The following SYNPO variants were observed in gnomAD, a reference collection of about 807,000 sequenced individuals.
The protein encoded by SYNPO is synaptopodin.
A neutral mutation model predicts 49.5 loss-of-function variants in SYNPO; 19 were observed. That is an observed-to-expected ratio of 0.38 (90% CI 0.27 to 0.56). The LOEUF (loss-of-function observed/expected upper bound fraction) is 0.56. SYNPO is among the 20% of genes least tolerant of loss of function. SYNPO has a pLI of 0.68. For synonymous variants in SYNPO, 536 were observed against 548.0 expected (o/e 0.98, Z 0.31); for missense variants, 1,131 against 1,248.3 (o/e 0.91, Z 1.42).
chr5:150,656,925 C>T lies in SYNPO; in HGVS notation c.2550C>T (p.Leu850=). The change falls in exon 3 of 3, where the codon CTC becomes CTT. Residue 850 remains leucine (L), a synonymous_variant. Coordinates refer to ENST00000307662, the MANE Select transcript of SYNPO (RefSeq NM_007286.6). ...SPLPAPPRPF[L]YRRSPTDSDV... is the part of the protein sequence containing the mutation. ...TGCCCGCGCCTCCCAGGCCCTTCCT[C>T]TACCGCCGCTCGCCCACGGACTCCG... is the stretch of plus-strand genomic sequence containing the variant. 1 of 1,580,046 alleles carries T rather than the reference C, an allele frequency of 6.3e-7. No homozygotes were observed. Among genetic ancestry groups the T allele is most frequent in the South Asian group, 1.2e-5 (1 of 86,392 alleles).
chr5:150,618,803 G>A (rs1030279218), intron 2 of SYNPO: 31 of 1,550,190 alleles, frequency 2.0e-5, no homozygotes, highest in Non-Finnish European at 2.7e-5. Flanking sequence ...GACTACCAGA[G>A]TCACTGGAGA....
chr5:150,636,022 CT>C (rs997359285), upstream of SYNPO, among the ~76,000 whole-genome samples: 1 of 152,162 alleles, frequency 6.6e-6, no homozygotes, highest in Non-Finnish European at 1.5e-5. Context: ...CCAGTCCCTG[CT>C]TTATTTTTTT....
chr5:150,632,649 C>T (rs1359783330), intron 2 of SYNPO, among the ~76,000 whole-genome samples: 1 of 152,198 alleles, frequency 6.6e-6, no homozygotes, highest in Non-Finnish European at 1.5e-5. Flanking sequence ...CTCCAGGCTC[C>T]TCTGCTTTAT....
chr5:150,621,923 C>A (rs980016849), intron 2 of SYNPO, among the ~76,000 whole-genome samples: 1 of 152,182 alleles, frequency 6.6e-6, no homozygotes, highest in Non-Finnish European at 1.5e-5. Flanking sequence ...CCCAGCTCAC[C>A]AAGACAGCCC....
At chr5:150,628,160 C>T (rs771914974) in intron 2 of SYNPO, among the ~76,000 whole-genome samples, 1 of 152,052 alleles carries the variant, frequency 6.6e-6, no homozygotes, top group Non-Finnish European at 1.5e-5. Context: ...AGCCTGTAGG[C>T]CCTGTAATTC....
At chr5:150,640,102 G>A, upstream of SYNPO, 4 of 985,020 alleles carry the variant, frequency 4.1e-6, no homozygotes, top group East Asian at 2.3e-4. Flanking sequence ...GGAAGTAAGT[G>A]AAGTAAGGCC....
chr5:150,657,092 C>T lies in SYNPO; in HGVS notation c.*5C>T. Reference sequence around the variant, plus strand: ...GAGGCCTCCTGCACCACCTAGAGCCCCACCCCCGACCCCACCCCGGGAGGG... The same window carrying T: ...GAGGCCTCCTGCACCACCTAGAGCCTCACCCCCGACCCCACCCCGGGAGGG... On this transcript the variant is annotated 3_prime_UTR_variant, in exon 3 of 3. Coordinates refer to ENST00000307662, the MANE Select transcript of SYNPO (RefSeq NM_007286.6). 6.8e-7 allele frequency: 1 copy of T among 1,480,726 alleles called. No homozygotes were observed. The highest frequency in any genetic ancestry group is 9.3e-7 in the Non-Finnish European group (1 of 1,077,566). The allele number at this position is 1,480,726 out of a possible 1,614,324, so 91.7% of individuals were successfully genotyped here.
intron 1 of SYNPO, among the ~76,000 whole-genome samples, chr5:150,641,330 G>A (rs1164791203): frequency 6.6e-6 from 1 of 152,148 alleles, no homozygotes; most frequent in Non-Finnish European, 1.5e-5. Context: ...CACCAGGGGG[G>A]CAGTTTACCC....
chr5:150,648,755 A>G lies in SYNPO; in HGVS notation c.480A>G (p.Val160=), dbSNP rs763073861. The G allele has an allele frequency of 3.1e-6, 5 of 1,614,082 alleles. No individual in the cohort carries two copies. In the South Asian group the frequency reaches 5.5e-5, roughly 18 times the overall value. ...VRCSTLLIDK[V]STPATTTSTF... is the part of the protein sequence containing the mutation. ...GCAGCACACTCCTAATTGACAAGGTATCAACTCCAGCTACCACCACCAGCA... is the reference window on the plus strand; with the variant it reads ...GCAGCACACTCCTAATTGACAAGGTGTCAACTCCAGCTACCACCACCAGCA... The change falls in exon 2 of 3, where the codon GTA becomes GTG. Residue 160 remains valine (V), a synonymous_variant. Coordinates refer to ENST00000307662, the MANE Select transcript of SYNPO (RefSeq NM_007286.6). The surrounding 1 kb of genome is among the most constrained non-coding windows in gnomAD (Gnocchi z 5.0).
chr5:150,593,586 C>T, the SYNPO span, among the ~76,000 whole-genome samples: 1 of 152,146 alleles, frequency 6.6e-6, no homozygotes, highest in Non-Finnish European at 1.5e-5. Context: ...CTCCGCCTCC[C>T]AAGTACCTGA....
intron 2 of SYNPO, among the ~76,000 whole-genome samples, chr5:150,627,439 C>T (rs1757392727): frequency 6.6e-6 from 1 of 152,176 alleles, no homozygotes; most frequent in Non-Finnish European, 1.5e-5. Flanking sequence ...GCCTCACTGT[C>T]CCTGGCTAGC....
intron 2 of SYNPO, among the ~76,000 whole-genome samples, chr5:150,620,913 CTTT>C (rs1561639769): frequency 1.6e-5 from 2 of 128,962 alleles, no homozygotes; most frequent in Admixed American, 1.5e-4. Flanking sequence ...TTCTTTCTTT[CTTT>C]CTTTCTTTCT....
chr5:150,638,777 C>T (rs140155367), upstream of SYNPO, among the ~76,000 whole-genome samples: 1 of 152,236 alleles, frequency 6.6e-6, no homozygotes, highest in African/African-American at 2.4e-5. Context: ...TCTTTCCCTG[C>T]CCTGGCTTGC....
At chr5:150,603,440 G>A (rs1223480571) in intron 1 of SYNPO, among the ~76,000 whole-genome samples, 2 of 152,258 alleles carry the variant, frequency 1.3e-5, no homozygotes, top group Admixed American at 6.5e-5. Context: ...CATCTTTCAG[G>A]ACATACTCCC....
intron 2 of SYNPO, among the ~76,000 whole-genome samples, chr5:150,619,331 C>T (rs1240075760): frequency 1.3e-5 from 2 of 152,044 alleles, no homozygotes; most frequent in Non-Finnish European, 2.9e-5. Flanking sequence ...GGTCACTCAG[C>T]GTGTTAGTAG....
chr5:150,602,997 GGTGTGTGTGTGTGTGTGTGTGT>G (rs3062133), intron 1 of SYNPO, among the ~76,000 whole-genome samples: 6 of 131,184 alleles, frequency 4.6e-5, no homozygotes, highest in Non-Finnish European at 9.6e-5. Context: ...GCCACCTTAG[GGTGTGTGTGTGTGTGTGTGTGT>G]GTGTGTGTGT....
At chr5:150,598,123 G>A (rs976667547), upstream of SYNPO, among the ~76,000 whole-genome samples, 4 of 151,996 alleles carry the variant, frequency 2.6e-5, no homozygotes, top group Admixed American at 1.3e-4. Context: ...GGTAGGGCTC[G>A]CCAGACCGAG....
At chr5:150,650,764 G>A in intron 2 of SYNPO, 1 of 1,297,122 alleles carries the variant, frequency 7.7e-7, no homozygotes, top group Non-Finnish European at 9.8e-7. Flanking sequence ...CCGAGGGTCT[G>A]CCTCCTCAGC....
chr5:150,636,075 G>C (rs943339268), upstream of SYNPO, among the ~76,000 whole-genome samples: 1 of 151,866 alleles, frequency 6.6e-6, no homozygotes, highest in Non-Finnish European at 1.5e-5. Flanking sequence ...TTATTATCTT[G>C]TTCCCTTACC....
Sources: allele counts gnomAD v4.1 joint callset (sites outside exome capture counted in the v4.1 genomes callset), GRCh38; gene constraint gnomAD v4.1.1; non-coding constraint Gnocchi (gnomAD v3.1); transcripts MANE v1.5; gene names NCBI Gene and HGNC (gene_info 2026-07-23, HGNC 2026-07-21).